The following PDCL2 variants were observed in gnomAD, a reference collection of about 807,000 sequenced individuals.
The protein encoded by PDCL2 is phosducin like 2.
PDCL2 carries 23 observed loss-of-function variants against 30.3 expected under a neutral mutation model. That is an observed-to-expected ratio of 0.76 (90% CI 0.55 to 1.08). The LOEUF (loss-of-function observed/expected upper bound fraction) is 1.08. Ranked by LOEUF, PDCL2 falls within the 50% of genes least tolerant of loss-of-function variation. The pLI, the probability that PDCL2 is intolerant of heterozygous loss-of-function variation, is 0.00. For synonymous variants in PDCL2, 68 were observed against 86.2 expected (o/e 0.79, Z 1.17); for missense variants, 243 against 282.3 (o/e 0.86, Z 1.00).
intron 1 of PDCL2, among the ~76,000 whole-genome samples, chr4:55,587,196 C>T (rs1046937740): frequency 1.6e-4 from 19 of 117,516 alleles, no homozygotes; most frequent in East Asian, 7.5e-4. Flanking sequence ...TGTGTCCTCA[C>T]GTGGCAAAAG....
chr4:55,580,904 T>C lies in PDCL2; in HGVS notation c.135A>G (p.Pro45=), dbSNP rs766256160. The C allele has an allele frequency of 4.0e-5, 64 of 1,595,058 alleles. No individual in the cohort carries two copies. In the Middle Eastern group the frequency reaches 1.0e-3, roughly 26 times the overall value. ...LRLQKEAMVK[P]FEKMTLAQLK... ...GCTGTGCAAGAGTCATCTTTTCAAA[T>C]GGTTTCACTAAAACAACATAAATTA... The change falls in exon 3 of 6, where the codon CCA becomes CCG. Residue 45 remains proline (P), a synonymous_variant. Coordinates refer to ENST00000295645, the MANE Select transcript of PDCL2 (RefSeq NM_152401.3).
chr4:55,559,814 A>G (rs1560498181), intron 5 of PDCL2, among the ~76,000 whole-genome samples: 1 of 152,212 alleles, frequency 6.6e-6, no homozygotes, highest in African/African-American at 2.4e-5. Context: ...AAAAATTCTG[A>G]TAACATGCTA....
At position 55,569,726 on chromosome 4, in the gene PDCL2, G is replaced by A. The variant is rs769830084; in HGVS notation, c.354C>T (p.Tyr118=). ...EEDVWVIIHL[Y]RSSIPMCLLV... ...AATATTATGGTAATTACCTTGATCT[G>A]TATAGATGAATTATAACCCACACAT... Residue 118 remains tyrosine (Y), a synonymous_variant, in exon 4 of 6, where the codon TAC becomes TAT. Coordinates refer to ENST00000295645, the MANE Select transcript of PDCL2 (RefSeq NM_152401.3). 1 of 1,547,048 alleles carries A rather than the reference G, an allele frequency of 6.5e-7. No individual in the cohort carries two copies. The highest frequency in any genetic ancestry group is 8.7e-7 in the Non-Finnish European group (1 of 1,144,918).
intron 3 of PDCL2, among the ~76,000 whole-genome samples, chr4:55,574,750 T>A (rs1004016527): frequency 6.6e-6 from 1 of 152,236 alleles, no homozygotes; most frequent in Non-Finnish European, 1.5e-5. Context: ...TCCCCTAGCA[T>A]GTTTTCATCC....
intron 1 of PDCL2, among the ~76,000 whole-genome samples, chr4:55,588,694 A>C (rs1257601375): frequency 1.3e-5 from 2 of 152,156 alleles, no homozygotes; most frequent in Non-Finnish European, 2.9e-5. Context: ...ATTCTTTTGC[A>C]TGTGGATACC....
At chr4:55,572,094 G>C (rs906508372) in intron 3 of PDCL2, among the ~76,000 whole-genome samples, 1 of 148,568 alleles carries the variant, frequency 6.7e-6, no homozygotes, top group Non-Finnish European at 1.5e-5. Context: ...TCATTTCTCT[G>C]TTATTTCAGT....
Position 55,562,525 on chromosome 4 carries a change from A to G in PDCL2, c.450T>C (p.Asn150=). The change falls in exon 5 of 6, where the codon AAT becomes AAC. Residue 150 remains asparagine (N), a synonymous_variant. Coordinates refer to ENST00000295645, the MANE Select transcript of PDCL2 (RefSeq NM_152401.3). Reference sequence around the variant, plus strand: ...TGTCATGGTAGTGTTGAATACAGCTATTCACGATGGCTTTAACAAATTTAG... The same window carrying G: ...TGTCATGGTAGTGTTGAATACAGCTGTTCACGATGGCTTTAACAAATTTAG... ...PETKFVKAIV[N]SCIQHYHDNC... is the part of the protein sequence containing the mutation. 1 of 1,604,692 alleles carries G rather than the reference A, an allele frequency of 6.2e-7. No individual in the cohort carries two copies. The highest frequency in any genetic ancestry group is 8.5e-7 in the Non-Finnish European group (1 of 1,175,420).
At chr4:55,588,642 G>C (rs1041819340) in intron 1 of PDCL2, among the ~76,000 whole-genome samples, 3 of 152,108 alleles carry the variant, frequency 2.0e-5, no homozygotes, top group African/African-American at 7.2e-5. Context: ...ACCTGTTTCA[G>C]ATATTTCAGA....
intron 2 of PDCL2, 78 bp from the exon 3 acceptor site, chr4:55,580,989 G>A (rs566022361): frequency 5.5e-5 from 57 of 1,030,976 alleles, no homozygotes; most frequent in Admixed American, 1.2e-4. Context: ...GAAAAAAACC[G>A]TCTTATACAA....
chr4:55,578,625 A>G (rs1268568807), intron 3 of PDCL2, among the ~76,000 whole-genome samples: 1 of 150,616 alleles, frequency 6.6e-6, no homozygotes, highest in African/African-American at 2.4e-5. Flanking sequence ...ATTAGGGTTT[A>G]TTTGAAGTTT....
intron 3 of PDCL2, among the ~76,000 whole-genome samples, chr4:55,572,607 T>G (rs1732456374): frequency 6.6e-6 from 1 of 152,188 alleles, no homozygotes; most frequent in Non-Finnish European, 1.5e-5. Flanking sequence ...AACCTCAGCA[T>G]CATGCAATAT....
chr4:55,560,117 T>C (rs1732086489), intron 5 of PDCL2, among the ~76,000 whole-genome samples: 1 of 149,494 alleles, frequency 6.7e-6, no homozygotes, highest in Non-Finnish European at 1.5e-5. Context: ...TGGTAAATGT[T>C]ATGTTATGCA....
intron 5 of PDCL2, among the ~76,000 whole-genome samples, chr4:55,560,478 G>T (rs984338673): frequency 1.3e-5 from 2 of 152,102 alleles, no homozygotes; most frequent in African/African-American, 4.8e-5. Context: ...AGTTAGGTGT[G>T]ATGGCAGGCA....
At position 55,592,064 on chromosome 4, in the gene PDCL2, C is replaced by G. The variant is rs1361398144; in HGVS notation, c.6+40G>C. On this transcript the variant is annotated intron_variant, in intron 1 of 5. Coordinates refer to ENST00000295645, the MANE Select transcript of PDCL2 (RefSeq NM_152401.3). ...GGCTTCGGGCCCAGCTGGAGACCCACTGGGTGTTCCAGGGTGGCTCGGCAG... is the reference window on the plus strand; with the variant it reads ...GGCTTCGGGCCCAGCTGGAGACCCAGTGGGTGTTCCAGGGTGGCTCGGCAG... The G allele has an allele frequency of 2.5e-6, 4 of 1,606,918 alleles. No individual in the cohort carries two copies. The African/African-American group carries it at 5.4e-5, about 22-fold the overall frequency.
intron 5 of PDCL2, among the ~76,000 whole-genome samples, chr4:55,558,674 T>C (rs1259627144): frequency 6.6e-6 from 1 of 152,130 alleles, no homozygotes; most frequent in Admixed American, 6.5e-5. Flanking sequence ...TAGAAGAAAG[T>C]ATAGGAGAAT....
intron 3 of PDCL2, among the ~76,000 whole-genome samples, chr4:55,571,702 T>TAAAAAAAAAAAAAAAAA (rs1560501588): frequency 1.5e-5 from 2 of 137,616 alleles, no homozygotes; most frequent in Non-Finnish European, 3.1e-5. Context: ...AAAAAAAAAT[T>TAAAAAAAAAAAAAAAAA]TTTGACCTTA....
At chr4:55,570,996 T>A (rs781260306) in intron 3 of PDCL2, among the ~76,000 whole-genome samples, 25 of 152,276 alleles carry the variant, frequency 1.6e-4, no homozygotes, top group Non-Finnish European at 2.6e-4. Flanking sequence ...CAAACACTGT[T>A]CAAACGCAAA....
chr4:55,577,723 ATTC>A (rs1332636429), intron 3 of PDCL2, among the ~76,000 whole-genome samples: 1 of 152,142 alleles, frequency 6.6e-6, no homozygotes, highest in Non-Finnish European at 1.5e-5. Context: ...CTTTATTGAT[ATTC>A]TCTTTTTGAT....
At chr4:55,563,313 GTTA>G (rs1201351222) in intron 4 of PDCL2, among the ~76,000 whole-genome samples, 1 of 152,062 alleles carries the variant, frequency 6.6e-6, no homozygotes, top group Non-Finnish European at 1.5e-5. Context: ...ATCTTTGTTG[GTTA>G]TTCTGCTTCC....
Sources: gnomAD v4.1 joint callset for allele counts (sites outside exome capture counted in the v4.1 genomes callset) on GRCh38, gnomAD v4.1.1 for gene constraint, MANE v1.5 for transcripts, NCBI Gene and HGNC (gene_info 2026-07-23, HGNC 2026-07-21) for gene names.